PEX5L: variants seen among roughly 807,000 people sequenced by gnomAD.
PEX5L encodes the protein PEX5-related protein.
Under a neutral mutation model 84.0 loss-of-function variants are expected in PEX5L, and 30 were observed. The observed-to-expected ratio is 0.36, with a 90% CI of 0.27 to 0.48. The LOEUF is 0.48. PEX5L is among the 20% of genes least tolerant of loss of function. PEX5L has a pLI of 0.99. For missense variants in PEX5L, 533 were observed against 754.6 expected (o/e 0.71, Z 3.44); for synonymous variants, 270 against 283.1 (o/e 0.95, Z 0.46).
At chr3:179,956,108 G>A (rs1432298661) in intron 2 of PEX5L, among the ~76,000 whole-genome samples, 5 of 152,094 alleles carry the variant, frequency 3.3e-5, no homozygotes, top group African/African-American at 1.2e-4. Context: ...CAGAATTCTT[G>A]GGAGATAGAA....
At chr3:179,836,221 T>C (rs1734874658) in intron 8 of PEX5L, among the ~76,000 whole-genome samples, 1 of 152,150 alleles carries the variant, frequency 6.6e-6, no homozygotes, top group African/African-American at 2.4e-5. Context: ...AAATGCCTAC[T>C]TCACAGGATA....
intron 1 of PEX5L, among the ~76,000 whole-genome samples, chr3:179,998,695 G>A (rs960752042): frequency 6.6e-6 from 1 of 152,190 alleles, no homozygotes; most frequent in African/African-American, 2.4e-5. Flanking sequence ...CGATAAAGTG[G>A]GCCATGGACA....
chr3:179,873,469 A>G (rs1036520230), intron 7 of PEX5L, among the ~76,000 whole-genome samples: 39 of 152,294 alleles, frequency 2.6e-4, no homozygotes, highest in African/African-American at 9.4e-4. Context: ...AACTTATGAT[A>G]TCTTCGTGGT....
intron 8 of PEX5L, among the ~76,000 whole-genome samples, chr3:179,825,115 G>A (rs1038367458): frequency 6.6e-6 from 1 of 152,124 alleles, no homozygotes; most frequent in African/African-American, 2.4e-5. Flanking sequence ...ATCTCTTCAG[G>A]CATGAGTGAC....
In PEX5L at chr3:179,934,895, T is replaced by A. The variant is rs150019349; in HGVS notation, c.94-36649A>T. On this transcript the variant is annotated intron_variant, in intron 2 of 14. Coordinates refer to ENST00000467460, the MANE Select transcript of PEX5L (RefSeq NM_016559.3). ...TAGTTCAGTATCATAAATTAGAGAGTCACTGTGTTTATGTGCCTTCCTGTT... is the reference window on the plus strand; with the variant it reads ...TAGTTCAGTATCATAAATTAGAGAGACACTGTGTTTATGTGCCTTCCTGTT... Among the ~76,000 whole-genome samples the A allele has an allele frequency of 1.1e-4, 17 of 152,106 alleles. No individual in the cohort carries two copies. The East Asian group carries it at 3.3e-3, about 29-fold the overall frequency.
chr3:180,018,839 AGGTT>A (rs1365293016), intron 1 of PEX5L, among the ~76,000 whole-genome samples: 1 of 152,084 alleles, frequency 6.6e-6, no homozygotes, highest in Admixed American at 6.6e-5. Flanking sequence ...TGGCTCTCTA[AGGTT>A]GCTGCAGATT....
In PEX5L at chr3:179,887,660, G is replaced by A. The variant is rs759669754; in HGVS notation, c.310+13C>T. On this transcript the variant is annotated intron_variant, in intron 4 of 14. Coordinates refer to ENST00000467460, the MANE Select transcript of PEX5L (RefSeq NM_016559.3). ...AACTCTAGTTGAGGAACAGTTAAAA[G>A]TGAGAGAATTACCAGCTGTATTGGA... 6.0e-6 allele frequency: 9 copies of A among 1,501,902 alleles called. No homozygotes were observed. The highest frequency in any genetic ancestry group is 8.3e-6 in the Non-Finnish European group (9 of 1,078,104). The allele number at this position is 1,501,902 out of a possible 1,614,324, so 93.0% of individuals were successfully genotyped here.
chr3:179,989,417 G>A (rs774485786), intron 1 of PEX5L, among the ~76,000 whole-genome samples: 25 of 152,228 alleles, frequency 1.6e-4, no homozygotes, highest in Admixed American at 2.6e-4. Context: ...TGACATATGT[G>A]ATAGATATGG....
rs189027978 is a variant in PEX5L at position 179,806,021 on chromosome 3, A to T, written c.1676+1653T>A. Among the ~76,000 whole-genome samples, 264 of 150,078 alleles carry T rather than the reference A, an allele frequency of 1.8e-3. 1 individual carries two copies. Among genetic ancestry groups the T allele is most frequent in the African/African-American group, 6.2e-3 (255 of 41,200 alleles). On this transcript the variant is annotated intron_variant, in intron 14 of 14. Coordinates refer to ENST00000467460, the MANE Select transcript of PEX5L (RefSeq NM_016559.3). ...ATAAAATATACATAGTATATATATA[A>T]AATGTATGTAATATTTATATATTTC...
intron 2 of PEX5L, among the ~76,000 whole-genome samples, chr3:179,913,139 T>C (rs1765756128): frequency 6.6e-6 from 1 of 152,140 alleles, no homozygotes. Flanking sequence ...CTTTGAGTGT[T>C]CTCATTAATC....
At chr3:179,878,102 T>C (rs1405850213) in intron 5 of PEX5L, among the ~76,000 whole-genome samples, 1 of 152,212 alleles carries the variant, frequency 6.6e-6, no homozygotes, top group East Asian at 1.9e-4. Flanking sequence ...CTAATGGAGG[T>C]ATCCACAGAG....
intron 1 of PEX5L, among the ~76,000 whole-genome samples, chr3:179,993,978 C>T (rs1445113062): frequency 6.6e-6 from 1 of 152,178 alleles, no homozygotes; most frequent in East Asian, 1.9e-4. Context: ...CCCATGGATA[C>T]CAAAGGCTTA....
intron 2 of PEX5L, among the ~76,000 whole-genome samples, chr3:179,967,073 C>G (rs1182627798): frequency 6.6e-6 from 1 of 152,162 alleles, no homozygotes; most frequent in Non-Finnish European, 1.5e-5. Context: ...AAGTTTATTC[C>G]TGTGAGGGTT....
intron 1 of PEX5L, among the ~76,000 whole-genome samples, chr3:179,972,195 TA>T (rs1784934224): frequency 1.3e-5 from 2 of 152,044 alleles, no homozygotes; most frequent in African/African-American, 4.8e-5. Flanking sequence ...AACTCAGAAA[TA>T]ATTTTAAAGA....
At chr3:180,016,629 C>T (rs577895463) in intron 1 of PEX5L, among the ~76,000 whole-genome samples, 4 of 152,276 alleles carry the variant, frequency 2.6e-5, no homozygotes, top group South Asian at 4.1e-4. Context: ...GGTGACAGTG[C>T]TCTCAATAAA....
At chr3:179,833,775 A>C (rs1560291697) in intron 8 of PEX5L, among the ~76,000 whole-genome samples, 1 of 152,136 alleles carries the variant, frequency 6.6e-6, no homozygotes, top group Non-Finnish European at 1.5e-5. Context: ...CCTATGCTGG[A>C]CTTGCAAAAG....
At chr3:179,841,583 T>C (rs1287631167) in intron 8 of PEX5L, among the ~76,000 whole-genome samples, 1 of 152,216 alleles carries the variant, frequency 6.6e-6, no homozygotes, top group Non-Finnish European at 1.5e-5. Context: ...ATGCCTAACA[T>C]AGGGTCTGAT....
In PEX5L at chr3:179,830,465, A is replaced by G. The variant is rs560430684; in HGVS notation, c.823-10489T>C. ...CAAGGCAAGGATTCTGAAAAGCTGG[A>G]GGGAGCTTCCAGCCATGGATCTGGT... On this transcript the variant is annotated intron_variant, in intron 8 of 14. Coordinates refer to ENST00000467460, the MANE Select transcript of PEX5L (RefSeq NM_016559.3). 2.0e-5 allele frequency among the ~76,000 whole-genome samples: 3 copies of G among 152,262 alleles called. No individual in the cohort carries two copies. The South Asian group carries it at 6.2e-4, about 32-fold the overall frequency.
chr3:180,033,818 A>T (rs566266363), intron 1 of PEX5L, among the ~76,000 whole-genome samples: 5 of 152,340 alleles, frequency 3.3e-5, no homozygotes, highest in South Asian at 4.1e-4. Flanking sequence ...GCTGGATAAA[A>T]ACATAGCTCC....
Sources: allele counts gnomAD v4.1 joint callset (sites outside exome capture counted in the v4.1 genomes callset), GRCh38; gene constraint gnomAD v4.1.1; transcripts MANE v1.5; gene names NCBI Gene and HGNC (gene_info 2026-07-23, HGNC 2026-07-21).